Variants in NR2E3 observed in about 807,000 individuals in gnomAD.
NR2E3 encodes the protein photoreceptor-specific nuclear receptor.
A neutral mutation model predicts 37.6 loss-of-function variants in NR2E3; 38 were observed. The observed-to-expected ratio is 1.01, with a 90% CI of 0.78 to 1.33. The LOEUF (loss-of-function observed/expected upper bound fraction) is 1.33, where lower values mean the gene tolerates loss of function less well. NR2E3 is among the 40% of genes most tolerant of loss of function. The probability of loss-of-function intolerance (pLI) is 0.00; values close to 1 mark genes in which losing one functional copy is unlikely to be tolerated. For missense variants in NR2E3, 562 were observed against 558.7 expected, an observed-to-expected ratio of 1.01 and a Z score of -0.06; for synonymous variants, 235 against 225.1, an observed-to-expected ratio of 1.04 and a Z score of -0.39.
At chr15:71,814,752 T>C (rs974640527) in intron 7 of NR2E3, 44 of 985,620 alleles carry the variant, frequency 4.5e-5, no homozygotes, top group Non-Finnish European at 4.9e-5. Flanking sequence ...GGCATGGCCA[T>C]GGGTCCAGAG....
intron 7 of NR2E3, 87 bp downstream of exon 7, chr15:71,814,204 T>C: frequency 6.6e-7 from 1 of 1,509,944 alleles, no homozygotes; most frequent in Admixed American, 2.0e-5. Context: ...AGCTCACTGA[T>C]TAGACAGCAC....
At chr15:71,815,189 T>C (rs1190597146) in intron 7 of NR2E3, among the ~76,000 whole-genome samples, 1 of 152,178 alleles carries the variant, frequency 6.6e-6, no homozygotes, top group African/African-American at 2.4e-5. Context: ...GTTGGAACAT[T>C]TGGCCTTCAG....
Position 71,812,121 on chromosome 15 carries a change from C to A in NR2E3, c.516C>A (p.His172Gln), listed in dbSNP as rs1382603219. 9 of 1,559,644 alleles carry A rather than the reference C, an allele frequency of 5.8e-6. No homozygotes were observed. In the African/African-American group the frequency reaches 1.2e-4, roughly 21 times the overall value. Residue 172 changes from histidine (H) to glutamine (Q), a missense_variant, in exon 4 of 8, where the codon CAC (histidine) becomes CAA (glutamine). Physicochemically the swap from His to Gln is conservative, Grantham distance 24. Transcript: ENST00000617575. ...CTGCAGCCAGAGCCCTGGGCCACCA[C>A]TTCATGGCCAGCCTTATAACAGCTG... Reference protein sequence around the residue: ...PMSAARALGHHFMASLITAET... With the variant: ...PMSAARALGHQFMASLITAET...
At position 71,813,283 on chromosome 15, in the gene NR2E3, A is replaced by G. The variant is rs1595957001; in HGVS notation, c.748-106A>G. Reference sequence around the variant, plus strand: ...TGTCAGGAGAGCATTCTCGGGTCCCAGGACAGCACTTCCATTCCTTGGGTG... The same window carrying G: ...TGTCAGGAGAGCATTCTCGGGTCCCGGGACAGCACTTCCATTCCTTGGGTG... On this transcript the variant is annotated intron_variant, in intron 5 of 7. Coordinates refer to ENST00000617575, the MANE Select transcript of NR2E3 (RefSeq NM_014249.4). This position sits in a 1 kb window ranked among gnomAD's most constrained non-coding sequence, Gnocchi z 4.7. 1 of 1,476,236 alleles carries G rather than the reference A, an allele frequency of 6.8e-7. No homozygotes were observed. The highest frequency in any genetic ancestry group is 9.1e-7 in the Non-Finnish European group (1 of 1,093,096). 91.4% of individuals were successfully genotyped at this position (1,476,236 alleles called of 1,614,324 possible).
In NR2E3 at chr15:71,811,211, A is replaced by G. The variant is rs1356464659; in HGVS notation, c.119-272A>G. The stretch of plus-strand genomic sequence containing the variant: ...GCCTGAAGCCACCCACAGAGAAGGG[A>G]TGGGAGCTGGGAAAGTGGAGCTAGG... On this transcript the variant is annotated intron_variant, in intron 1 of 7. Transcript: ENST00000617575. The surrounding 1 kb of genome is among the most constrained non-coding windows in gnomAD (Gnocchi z 5.6). Among the ~76,000 whole-genome samples, 1 of 149,932 alleles carries G rather than the reference A, an allele frequency of 6.7e-6. No individual in the cohort carries two copies. Among genetic ancestry groups the G allele is most frequent in the Non-Finnish European group, 1.5e-5 (1 of 67,502 alleles).
intron 7 of NR2E3, among the ~76,000 whole-genome samples, chr15:71,817,244 G>A (rs2140294613): frequency 6.6e-6 from 1 of 152,034 alleles, no homozygotes; most frequent in East Asian, 1.9e-4. Flanking sequence ...GACTACAGGT[G>A]CCCGCCACCA....
chr15:71,817,191 C>T (rs1031747580), intron 7 of NR2E3, among the ~76,000 whole-genome samples: 5 of 151,064 alleles, frequency 3.3e-5, no homozygotes, highest in Admixed American at 6.6e-5. Context: ...CTCCGCCTCC[C>T]GGGTTCATGC....
In NR2E3 at chr15:71,811,430, G is replaced by C; in HGVS notation, c.119-53G>C. ...CCCGAGGGAAGGAGGGGAGCGTGCA[G>C]CCCTGCCCCGGCCCAGCCCTGCCCT... On this transcript the variant is annotated intron_variant, in intron 1 of 7. Transcript: ENST00000617575. The surrounding 1 kb of genome is among the most constrained non-coding windows in gnomAD (Gnocchi z 5.6). 6.6e-7 allele frequency: 1 copy of C among 1,512,590 alleles called. No individual in the cohort carries two copies. Among genetic ancestry groups the C allele is most frequent in the Non-Finnish European group, 8.9e-7 (1 of 1,117,510 alleles). The allele number at this position is 1,512,590 out of a possible 1,614,324, so 93.7% of individuals were successfully genotyped here. A position where few individuals can be genotyped will look rare whatever the true frequency, so the allele number is the denominator to read the frequency against.
chr15:71,817,355 C>T, intron 7 of NR2E3, 197 bp from the exon 8 acceptor site: 1 of 502,054 alleles, frequency 2.0e-6, no homozygotes, highest in Non-Finnish European at 3.3e-6. Context: ...GCCTCAGCCT[C>T]CCAAAGTGCT....
Position 71,812,400 on chromosome 15 carries a change from C to G in NR2E3, c.636C>G (p.Ser212=). Residue 212 remains serine, a synonymous_variant, in exon 5 of 8, where the codon TCC becomes TCG. Coordinates refer to ENST00000617575, the MANE Select transcript of NR2E3 (RefSeq NM_014249.4). ...TCCCCTCCTCTCCATACTCCTCTTCCTCCCCCTGCGGCCTGGACAGCATCC... is the reference window on the plus strand; with the variant it reads ...TCCCCTCCTCTCCATACTCCTCTTCGTCCCCCTGCGGCCTGGACAGCATCC... ...PEFPSSPYSS[S]SPCGLDSIHE... is the part of the protein sequence containing the mutation. The G allele has an allele frequency of 5.0e-6, 8 of 1,613,998 alleles. No individual in the cohort carries two copies. Among genetic ancestry groups the G allele is most frequent in the Non-Finnish European group, 6.8e-6 (8 of 1,179,874 alleles).
At position 71,812,082 on chromosome 15, in the gene NR2E3, C is replaced by T; in HGVS notation, c.477C>T (p.Gly159=). ...CCCCGGCAGGGCGCAGCCCACGGGG[C>T]CCCACACCCATGTCTGCAGCCAGAG... The part of the protein sequence containing the change: ...PPAPAGRSPR[G]PTPMSAARAL... The change falls in exon 4 of 8, where the codon GGC becomes GGT. Residue 159 remains glycine (G), a synonymous_variant. Transcript: ENST00000617575. 1 of 1,553,704 alleles carries T rather than the reference C, an allele frequency of 6.4e-7. No homozygotes were observed. Among genetic ancestry groups the T allele is most frequent in the Non-Finnish European group, 8.7e-7 (1 of 1,148,978 alleles).
chr15:71,811,118 G>T lies in NR2E3; in HGVS notation c.118+257G>T, dbSNP rs1267888384. ...ATGGGGAAGGAAAGAACAGAGAAGCGCCCTTAGGGCTTAACAGCACAGAGG... is the reference window on the plus strand; with the variant it reads ...ATGGGGAAGGAAAGAACAGAGAAGCTCCCTTAGGGCTTAACAGCACAGAGG... On this transcript the variant is annotated intron_variant, in intron 1 of 7. Transcript: ENST00000617575. The surrounding 1 kb of genome is among the most constrained non-coding windows in gnomAD (Gnocchi z 5.6). Among the ~76,000 whole-genome samples, 2 of 152,156 alleles carry T rather than the reference G, an allele frequency of 1.3e-5. No homozygotes were observed. Among genetic ancestry groups the T allele is most frequent in the Non-Finnish European group, 2.9e-5 (2 of 68,016 alleles).
chr15:71,813,952 T>C lies in NR2E3; in HGVS notation c.995-60T>C, dbSNP rs371371582. The C allele has an allele frequency of 3.1e-5, 48 of 1,566,612 alleles. No homozygotes were observed. The highest frequency in any genetic ancestry group is 1.9e-4 in the African/African-American group (14 of 73,632). On this transcript the variant is annotated intron_variant, in intron 6 of 7. Coordinates refer to ENST00000617575, the MANE Select transcript of NR2E3 (RefSeq NM_014249.4). This position sits in a 1 kb window ranked among gnomAD's most constrained non-coding sequence, Gnocchi z 4.7. ...GCCAGAACCCTGGGCCACCACTTCA[T>C]GGCCAGCCTTATAACAGCCGTAAAC... is the stretch of plus-strand genomic sequence containing the variant.
chr15:71,813,072 G>C lies in NR2E3; in HGVS notation c.748-317G>C, dbSNP rs1034782010. ...GGGTGGAGCAACTCAGAAGAGTCAG[G>C]CCACACCACTTGAATACACTCAACT... On this transcript the variant is annotated intron_variant, in intron 5 of 7. Coordinates refer to ENST00000617575, the MANE Select transcript of NR2E3 (RefSeq NM_014249.4). The surrounding 1 kb of genome is among the most constrained non-coding windows in gnomAD (Gnocchi z 4.7). 3.3e-5 allele frequency among the ~76,000 whole-genome samples: 5 copies of C among 152,178 alleles called. No homozygotes were observed. The highest frequency in any genetic ancestry group is 7.3e-5 in the Non-Finnish European group (5 of 68,038).
At chr15:71,814,910 G>C in intron 7 of NR2E3, 2 of 985,062 alleles carry the variant, frequency 2.0e-6, no homozygotes, top group Non-Finnish European at 2.4e-6. Context: ...GGTAAGGAAT[G>C]AGGGAAGAGG....
chr15:71,812,283 C>A lies in NR2E3; in HGVS notation c.572-53C>A, dbSNP rs1418760741. 6.2e-6 allele frequency: 10 copies of A among 1,612,748 alleles called. No homozygotes were observed. The East Asian group carries it at 2.2e-4, about 36-fold the overall frequency. On this transcript the variant is annotated intron_variant, in intron 4 of 7. Coordinates refer to ENST00000617575, the MANE Select transcript of NR2E3 (RefSeq NM_014249.4). ...CCCTCCCCCGGGGCTCCAAGTACTC[C>A]CTGCCACCTCCCGAGAAGCAGGCGC...
intron 4 of NR2E3, 29 bp downstream of exon 4, chr15:71,812,205 C>T: frequency 6.2e-7 from 1 of 1,601,216 alleles, no homozygotes; most frequent in East Asian, 2.3e-5. Context: ...GAGGGCACAG[C>T]AGGGCTTGGC....
At chr15:71,810,968 C>A (rs975525551) in intron 1 of NR2E3, 107 bp downstream of exon 1, 24 of 1,234,638 alleles carry the variant, frequency 1.9e-5, no homozygotes, top group Non-Finnish European at 2.5e-5. Flanking sequence ...TCAGACCCAG[C>A]CCCGCCGGCT....
intron 7 of NR2E3, among the ~76,000 whole-genome samples, chr15:71,816,100 G>A (rs940728856): frequency 6.6e-6 from 1 of 152,134 alleles, no homozygotes; most frequent in Non-Finnish European, 1.5e-5. Context: ...AATTCACGGT[G>A]AGAGGAGCAT....
Sources: gnomAD v4.1 joint callset for allele counts (sites outside exome capture counted in the v4.1 genomes callset) on GRCh38, gnomAD v4.1.1 for gene constraint, Gnocchi (gnomAD v3.1) non-coding constraint, MANE v1.5 for transcripts, NCBI Gene and HGNC (gene_info 2026-07-23, HGNC 2026-07-21) for gene names.